The following NR1H4 variants were observed in gnomAD, a reference collection of about 807,000 sequenced individuals.
The protein encoded by NR1H4 is nuclear receptor subfamily 1 group H member 4.
In NR1H4, 23 loss-of-function variants were observed where a neutral mutation model predicts 58.5. The observed-to-expected ratio is 0.39, with a 90% CI of 0.28 to 0.56. The LOEUF (loss-of-function observed/expected upper bound fraction) is 0.56. Ranked by LOEUF, NR1H4 falls within the 20% of genes least tolerant of loss-of-function variation. The probability of loss-of-function intolerance (pLI) is 0.58; values close to 1 mark genes in which losing one functional copy is unlikely to be tolerated. For missense variants in NR1H4, 487 were observed against 576.9 expected (o/e 0.84, Z 1.60); for synonymous variants, 214 against 198.0 (o/e 1.08, Z -0.68).
At chr12:100,474,918 AT>A (rs142975098) in intron 1 of NR1H4, among the ~76,000 whole-genome samples, 5,497 of 152,254 alleles carry the variant, frequency 0.036, 292 homozygotes, top group African/African-American at 0.12. Context: ...CTTCAGGAGT[AT>A]TGACAAGAGG....
At chr12:100,558,338 A>T in intron 9 of NR1H4, among the ~76,000 whole-genome samples, 1 of 136,114 alleles carries the variant, frequency 7.3e-6, no homozygotes, top group Non-Finnish European at 1.6e-5. Context: ...AACAAGAGTG[A>T]GATTCCATCT....
At chr12:100,548,981 C>T (rs916271302) in intron 9 of NR1H4, among the ~76,000 whole-genome samples, 7 of 152,132 alleles carry the variant, frequency 4.6e-5, no homozygotes, top group African/African-American at 1.2e-4. Flanking sequence ...ATGTCATGCT[C>T]ATCCATCCAC....
intron 1 of NR1H4, among the ~76,000 whole-genome samples, chr12:100,474,447 T>G (rs1300333141): frequency 6.6e-6 from 1 of 152,212 alleles, no homozygotes; most frequent in Non-Finnish European, 1.5e-5. Flanking sequence ...TTGGGAGTAT[T>G]GCTAATGTCA....
intron 9 of NR1H4, among the ~76,000 whole-genome samples, chr12:100,550,588 A>G (rs1955182357): frequency 6.6e-6 from 1 of 151,756 alleles, no homozygotes; most frequent in South Asian, 2.1e-4. Context: ...CTGGTCTTAA[A>G]CTCCTAAGCT....
intron 4 of NR1H4, among the ~76,000 whole-genome samples, chr12:100,514,435 G>A (rs1390426976): frequency 6.6e-6 from 1 of 152,116 alleles, no homozygotes; most frequent in Non-Finnish European, 1.5e-5. Context: ...CTAGACCATG[G>A]TTTTTAAACC....
chr12:100,563,154 A>G, intron 10 of NR1H4, 97 bp from the exon 11 acceptor site: 1 of 947,470 alleles, frequency 1.1e-6, no homozygotes. Context: ...TACAACATTT[A>G]ACTTACACTT....
At chr12:100,496,221 AAT>A (rs10608235) in intron 3 of NR1H4, among the ~76,000 whole-genome samples, 23,983 of 152,046 alleles carry the variant, frequency 0.16, 3,956 homozygotes, top group East Asian at 0.45. Flanking sequence ...TAAGTAAATC[AAT>A]AAACAAAATA....
At chr12:100,518,542 A>G (rs1209426674) in intron 4 of NR1H4, among the ~76,000 whole-genome samples, 2 of 152,228 alleles carry the variant, frequency 1.3e-5, no homozygotes, top group Admixed American at 6.5e-5. Flanking sequence ...GGAACCAGGC[A>G]GGGCCCATGT....
intron 4 of NR1H4, among the ~76,000 whole-genome samples, chr12:100,530,108 T>A (rs556680489): frequency 3.9e-4 from 60 of 152,356 alleles, no homozygotes; most frequent in African/African-American, 1.4e-3. Context: ...GTCTTATTCA[T>A]CTTGGTATTT....
chr12:100,486,376 C>T (rs1197347658), intron 1 of NR1H4, among the ~76,000 whole-genome samples: 1 of 152,044 alleles, frequency 6.6e-6, no homozygotes, highest in Non-Finnish European at 1.5e-5. Context: ...GAAATCAAAG[C>T]ATTAATTACT....
intron 5 of NR1H4, among the ~76,000 whole-genome samples, 195 bp downstream of exon 5, chr12:100,532,805 G>A (rs911721540): frequency 1.3e-5 from 2 of 152,232 alleles, no homozygotes; most frequent in African/African-American, 4.8e-5. Context: ...CGAAAGAAAT[G>A]GGTTTTTTTT....
At chr12:100,529,568 A>T (rs1593099953) in intron 4 of NR1H4, among the ~76,000 whole-genome samples, 2 of 151,968 alleles carry the variant, frequency 1.3e-5, no homozygotes, top group Admixed American at 6.6e-5. Context: ...TCCATACTCT[A>T]CCCAACCGCC....
chr12:100,518,823 C>T (rs537567263), intron 4 of NR1H4, among the ~76,000 whole-genome samples: 3 of 136,336 alleles, frequency 2.2e-5, no homozygotes, highest in African/African-American at 5.5e-5. Context: ...GATGGACTCT[C>T]GCTCTGTCAC....
At chr12:100,528,492 A>G (rs193282067) in intron 4 of NR1H4, among the ~76,000 whole-genome samples, 3 of 152,302 alleles carry the variant, frequency 2.0e-5, no homozygotes, top group African/African-American at 7.2e-5. Context: ...GGTGCTACAC[A>G]TTCCCCAGAT....
intron 9 of NR1H4, among the ~76,000 whole-genome samples, chr12:100,541,795 C>T (rs1049042237): frequency 2.1e-4 from 32 of 151,702 alleles, no homozygotes; most frequent in Non-Finnish European, 4.4e-4. Flanking sequence ...CAGGGTTTCA[C>T]CATGTTGGCC....
chr12:100,558,358 A>G (rs1955383565), intron 9 of NR1H4, among the ~76,000 whole-genome samples: 1 of 44,072 alleles, frequency 2.3e-5, no homozygotes, highest in South Asian at 4.4e-4. Flanking sequence ...TCAAAAAAAA[A>G]AAAAAAAAAA....
chr12:100,561,821 G>A (rs1358452893), intron 9 of NR1H4, 64 bp from the exon 10 acceptor site: 1 of 770,916 alleles, frequency 1.3e-6, no homozygotes, highest in Admixed American at 1.8e-5. Flanking sequence ...TGTATAATGT[G>A]TTTCTAGTTT....
At chr12:100,532,683 A>G (rs975481934) in intron 5 of NR1H4, 73 bp downstream of exon 5, 7 of 1,367,258 alleles carry the variant, frequency 5.1e-6, no homozygotes, top group Non-Finnish European at 7.3e-6. Context: ...TCATCACGAG[A>G]GTGCTACTTC....
At chr12:100,510,198 G>T (rs895568505) in intron 3 of NR1H4, among the ~76,000 whole-genome samples, 5 of 152,104 alleles carry the variant, frequency 3.3e-5, no homozygotes, top group Non-Finnish European at 7.4e-5. Context: ...TTTCATAGAG[G>T]TTCAAGCATA....
Sources: gnomAD v4.1 joint callset for allele counts (sites outside exome capture counted in the v4.1 genomes callset) on GRCh38, gnomAD v4.1.1 for gene constraint, MANE v1.5 for transcripts, NCBI Gene and HGNC (gene_info 2026-07-23, HGNC 2026-07-21) for gene names.